SH3RF3: variants seen among roughly 807,000 people sequenced by gnomAD.
SH3RF3 encodes E3 ubiquitin-protein ligase SH3RF3.
In SH3RF3, 29 loss-of-function variants were observed where a neutral mutation model predicts 66.3. The ratio of observed to expected loss-of-function variants is 0.44; its 90% CI spans 0.33 to 0.60. The LOEUF is 0.60. Among genes scored for constraint, SH3RF3 ranks in the 20% least tolerant of loss-of-function variants. SH3RF3 has a pLI of 0.04. For missense variants in SH3RF3, 1,194 were observed against 1,190.9 expected (o/e 1.00, Z -0.04); for synonymous variants, 583 against 532.0 (o/e 1.10, Z -1.32).
In SH3RF3 at chr2:109,390,979, C is replaced by T. The variant is rs1436144318; in HGVS notation, c.946-7611C>T. Among the ~76,000 whole-genome samples the T allele has an allele frequency of 3.9e-5, 6 of 152,306 alleles. No homozygotes were observed. In the South Asian group the frequency reaches 8.3e-4, roughly 21 times the overall value. On this transcript the variant is annotated intron_variant, in intron 3 of 9. Coordinates refer to ENST00000309415, the MANE Select transcript of SH3RF3 (RefSeq NM_001099289.3). ...CTGATCTGCAGCTTGGCCAACTGCC[C>T]CCAAGCAGCTAGCACCCAGAGGCGG...
At chr2:109,407,454 C>T (rs531338780) in intron 4 of SH3RF3, among the ~76,000 whole-genome samples, 1 of 152,210 alleles carries the variant, frequency 6.6e-6, no homozygotes, top group African/African-American at 2.4e-5. Flanking sequence ...TTGGCTGGGT[C>T]TTATTATCTC....
chr2:109,291,303 A>G (rs951895467), intron 1 of SH3RF3, among the ~76,000 whole-genome samples: 2 of 137,808 alleles, frequency 1.5e-5, no homozygotes, highest in African/African-American at 2.7e-5. Flanking sequence ...TTTTTGCATT[A>G]TGCTTGAAGG....
intron 1 of SH3RF3, among the ~76,000 whole-genome samples, chr2:109,168,406 C>A (rs1323998924): frequency 6.6e-6 from 1 of 152,168 alleles, no homozygotes; most frequent in East Asian, 1.9e-4. Context: ...ACTTCAAGAG[C>A]CTTGCTAATG....
intron 4 of SH3RF3, among the ~76,000 whole-genome samples, chr2:109,412,165 G>A (rs1170123672): frequency 1.3e-5 from 2 of 152,270 alleles, no homozygotes; most frequent in Non-Finnish European, 2.9e-5. Context: ...CGTGGTCCAC[G>A]ATGCGTGTGC....
At chr2:109,322,764 G>C (rs1230250033) in intron 1 of SH3RF3, among the ~76,000 whole-genome samples, 1 of 152,200 alleles carries the variant, frequency 6.6e-6, no homozygotes, top group Non-Finnish European at 1.5e-5. Context: ...AGCAAATAAG[G>C]ATTCAAATAA....
At chr2:109,421,271 G>A (rs980817719) in intron 5 of SH3RF3, among the ~76,000 whole-genome samples, 4 of 152,220 alleles carry the variant, frequency 2.6e-5, no homozygotes, top group Admixed American at 2.0e-4. Context: ...GTGCTTCAAG[G>A]GCAAAGCCCA....
rs559467743 is a variant in SH3RF3 at position 109,502,376 on chromosome 2, C to G, written c.*705C>G. 15 of 152,350 alleles carry G rather than the reference C, an allele frequency of 9.8e-5. No individual in the cohort carries two copies. The South Asian group carries it at 2.9e-3, about 29-fold the overall frequency. 9.4% of individuals were successfully genotyped at this position (152,350 alleles called of 1,614,324 possible). A position where few individuals can be genotyped will look rare whatever the true frequency, so the allele number is the denominator to read the frequency against. Reference sequence around the variant, plus strand: ...TAGACTTTATATATTTCTAATAGGTCAGACATTGCCTATTTTTCATACATC... The same window carrying G: ...TAGACTTTATATATTTCTAATAGGTGAGACATTGCCTATTTTTCATACATC... On this transcript the variant is annotated 3_prime_UTR_variant, in exon 10 of 10. Transcript: ENST00000309415.
intron 1 of SH3RF3, among the ~76,000 whole-genome samples, chr2:109,152,130 G>A (rs756881031): frequency 4.4e-4 from 67 of 152,314 alleles, no homozygotes; most frequent in Non-Finnish European, 6.6e-4. Context: ...TTTTTGGAGA[G>A]GATGAAATTT....
intron 1 of SH3RF3, among the ~76,000 whole-genome samples, chr2:109,334,284 G>C (rs1368683256): frequency 2.0e-5 from 3 of 148,438 alleles, no homozygotes; most frequent in Non-Finnish European, 4.4e-5. Context: ...CTTGAGCCCA[G>C]GAAGTCAAGG....
intron 4 of SH3RF3, among the ~76,000 whole-genome samples, chr2:109,402,835 G>A (rs999918684): frequency 6.6e-5 from 10 of 152,168 alleles, no homozygotes; most frequent in African/African-American, 1.7e-4. Flanking sequence ...GCATGGTATC[G>A]TCCCTGGTAG....
At chr2:109,402,086 G>T (rs1450710945) in intron 4 of SH3RF3, among the ~76,000 whole-genome samples, 1 of 152,224 alleles carries the variant, frequency 6.6e-6, no homozygotes, top group Non-Finnish European at 1.5e-5. Context: ...GGGGCACCTG[G>T]TGCAGGTGTG....
At chr2:109,291,049 A>G (rs1202994218) in intron 1 of SH3RF3, among the ~76,000 whole-genome samples, 1 of 152,186 alleles carries the variant, frequency 6.6e-6, no homozygotes, top group Non-Finnish European at 1.5e-5. Flanking sequence ...TGCTGGGGTA[A>G]TGCTTAACAC....
intron 1 of SH3RF3, among the ~76,000 whole-genome samples, chr2:109,153,162 A>G (rs1476237135): frequency 6.6e-6 from 1 of 152,236 alleles, no homozygotes; most frequent in Non-Finnish European, 1.5e-5. Context: ...GAACAGAACC[A>G]GCATCTAAAC....
intron 8 of SH3RF3, among the ~76,000 whole-genome samples, chr2:109,462,231 C>G (rs893614846): frequency 1.3e-5 from 2 of 150,780 alleles, no homozygotes; most frequent in African/African-American, 4.9e-5. Flanking sequence ...TCCCTGCAAA[C>G]TATTTTGTGA....
intron 1 of SH3RF3, among the ~76,000 whole-genome samples, chr2:109,208,711 T>C (rs1244095058): frequency 6.6e-6 from 1 of 152,222 alleles, no homozygotes; most frequent in Non-Finnish European, 1.5e-5. Context: ...AATCCTGTAC[T>C]GTTGCTGTGG....
At chr2:109,433,507 G>A (rs116481410) in intron 6 of SH3RF3, among the ~76,000 whole-genome samples, 1 of 152,216 alleles carries the variant, frequency 6.6e-6, no homozygotes, top group Non-Finnish European at 1.5e-5. Context: ...TCGTGGGCAC[G>A]GCCCTGTGTT....
intron 1 of SH3RF3, among the ~76,000 whole-genome samples, chr2:109,271,127 A>G (rs953081471): frequency 6.6e-6 from 1 of 152,220 alleles, no homozygotes. Flanking sequence ...GGCGAAGTGC[A>G]GGCAGAGAGC....
At chr2:109,301,927 A>G (rs940120726) in intron 1 of SH3RF3, among the ~76,000 whole-genome samples, 3 of 151,860 alleles carry the variant, frequency 2.0e-5, no homozygotes, top group Non-Finnish European at 2.9e-5. Flanking sequence ...ACCGGGGTCC[A>G]TTTTCTGCCC....
Position 109,201,758 on chromosome 2 carries a change from A to G in SH3RF3, c.573+71645A>G, listed in dbSNP as rs76406719. Among the ~76,000 whole-genome samples, 1,203 of 152,268 alleles carry G rather than the reference A, an allele frequency of 7.9e-3. 10 individuals are homozygous for G. The highest frequency in any genetic ancestry group is 0.036 in the East Asian group (185 of 5,162). ...AGGGGCACAGCCAAGCGGTGAAAGG[A>G]GCATTGGTAGGAAATGAGCTTTGGG... is the stretch of plus-strand genomic sequence containing the variant. On this transcript the variant is annotated intron_variant, in intron 1 of 9. Coordinates refer to ENST00000309415, the MANE Select transcript of SH3RF3 (RefSeq NM_001099289.3).
Sources: allele counts gnomAD v4.1 joint callset (sites outside exome capture counted in the v4.1 genomes callset), GRCh38; gene constraint gnomAD v4.1.1; transcripts MANE v1.5; gene names NCBI Gene and HGNC (gene_info 2026-07-23, HGNC 2026-07-21).